Variants in IL1RAPL2 observed in about 807,000 individuals in gnomAD.
IL1RAPL2 encodes interleukin 1 receptor accessory protein like 2, also known as X-linked interleukin-1 receptor accessory protein-like 2.
Under a neutral mutation model 44.1 loss-of-function variants are expected in IL1RAPL2, and 3 were observed. The ratio of observed to expected loss-of-function variants is 0.07; its 90% confidence interval spans 0.03 to 0.18. The LOEUF is 0.18. Among genes scored for constraint, IL1RAPL2 ranks in the 10% least tolerant of loss-of-function variants. The pLI is 1.00. For missense variants in IL1RAPL2, 391 were observed against 496.4 expected, an observed-to-expected ratio of 0.79 and a Z score of 2.02; for synonymous variants, 181 against 178.8, an observed-to-expected ratio of 1.01 and a Z score of -0.10.
chrX:104,897,534 A>G (rs1923689824), intron 2 of IL1RAPL2, among the ~76,000 whole-genome samples: 1 of 112,208 alleles, frequency 8.9e-6, no homozygotes, highest in Non-Finnish European at 1.9e-5. Context: ...ATTCAAGGAG[A>G]GAGGATATGA....
At chrX:105,634,330 C>A (rs1455022140) in intron 6 of IL1RAPL2, among the ~76,000 whole-genome samples, 1 of 111,137 alleles carries the variant, frequency 9.0e-6, no homozygotes. Context: ...TCACCACAAT[C>A]CCTAAGTAAA....
intron 2 of IL1RAPL2, among the ~76,000 whole-genome samples, chrX:104,739,237 C>G (rs755746520): frequency 9.0e-6 from 1 of 111,715 alleles, no homozygotes; most frequent in African/African-American, 3.2e-5. Flanking sequence ...ATTGAAAAGC[C>G]CCAAGAAATG....
chrX:104,951,351 A>G (rs1017812887), intron 2 of IL1RAPL2, among the ~76,000 whole-genome samples: 1 of 112,522 alleles, frequency 8.9e-6, no homozygotes, highest in African/African-American at 3.2e-5. Context: ...GGAAATGAAT[A>G]GGCAAGAAAA....
At chrX:105,749,545 A>G (rs1388647809) in intron 9 of IL1RAPL2, among the ~76,000 whole-genome samples, 1 of 111,889 alleles carries the variant, frequency 8.9e-6, no homozygotes, top group African/African-American at 3.3e-5. Flanking sequence ...AAAACAAGCA[A>G]TCATGCAAGA....
intron 2 of IL1RAPL2, among the ~76,000 whole-genome samples, chrX:104,903,494 G>A (rs1296992496): frequency 9.0e-6 from 1 of 111,694 alleles, no homozygotes; most frequent in Non-Finnish European, 1.9e-5. Context: ...TGTTTGAGCT[G>A]GCTTATAACA....
rs779276962 is a variant in IL1RAPL2, at chrX:104,574,058, CATTTT to C, written c.-20+7015_-20+7019del. ...GAAAATCTATATAATTACAATTTAACATTTTATTTTATGATATGTTTATAGTCTTG... is the reference window on the plus strand; with the variant it reads ...GAAAATCTATATAATTACAATTTAACATTTTATGATATGTTTATAGTCTTG... On this transcript the variant is annotated intron_variant, in intron 1 of 10. Transcript: ENST00000372582. Among the ~76,000 whole-genome samples, 11 of 111,517 alleles carry C rather than the reference CATTTT, an allele frequency of 9.9e-5. No homozygotes were observed. In the East Asian group the frequency reaches 1.7e-3, roughly 17 times the overall value.
chrX:104,889,210 C>A (rs1246315498), intron 2 of IL1RAPL2, among the ~76,000 whole-genome samples: 2 of 111,385 alleles, frequency 1.8e-5, no homozygotes, highest in African/African-American at 6.5e-5. Context: ...TGACCATTCA[C>A]CCCTGGACTC....
chrX:105,454,706 TG>T (rs1161181951), intron 5 of IL1RAPL2, among the ~76,000 whole-genome samples: 1 of 111,718 alleles, frequency 9.0e-6, no homozygotes, highest in Non-Finnish European at 1.9e-5. Flanking sequence ...TAACCAGAGC[TG>T]CTGTACACTG....
At chrX:104,909,566 A>G (rs188152892) in intron 2 of IL1RAPL2, among the ~76,000 whole-genome samples, 1 of 111,786 alleles carries the variant, frequency 8.9e-6, no homozygotes, top group East Asian at 2.8e-4. Flanking sequence ...TCTAACAGAC[A>G]GGACCCTCAG....
chrX:105,677,876 A>C (rs905975905), intron 6 of IL1RAPL2, among the ~76,000 whole-genome samples: 2 of 112,185 alleles, frequency 1.8e-5, no homozygotes, highest in African/African-American at 6.5e-5. Context: ...ATTGCAGTGT[A>C]GTCAAATTCT....
At chrX:105,085,905 GATAAA>G (rs1237689987) in intron 2 of IL1RAPL2, among the ~76,000 whole-genome samples, 1 of 111,864 alleles carries the variant, frequency 8.9e-6, no homozygotes, top group Non-Finnish European at 1.9e-5. Flanking sequence ...TCATAAGAAA[GATAAA>G]ATATATTTAC....
chrX:104,834,652 G>GAATGC (rs1921694929), intron 2 of IL1RAPL2, among the ~76,000 whole-genome samples: 1 of 112,032 alleles, frequency 8.9e-6, no homozygotes, highest in African/African-American at 3.2e-5. Flanking sequence ...AACATATAAA[G>GAATGC]AATGCAAAGA....
chrX:105,665,342 T>TGG (rs1556377778), intron 6 of IL1RAPL2, among the ~76,000 whole-genome samples: 1 of 98,350 alleles, frequency 1.0e-5, no homozygotes. Flanking sequence ...TTTATGCGCG[T>TGG]GCGTGTGTGT....
intron 4 of IL1RAPL2, 108 bp downstream of exon 4, chrX:105,234,112 A>G: frequency 1.8e-6 from 1 of 563,700 alleles, no homozygotes; most frequent in Admixed American, 3.9e-5. Flanking sequence ...TATTTCACTG[A>G]GAAGAATCAA....
chrX:104,887,876 G>A (rs1036738021), intron 2 of IL1RAPL2, among the ~76,000 whole-genome samples: 64 of 111,746 alleles, frequency 5.7e-4, no homozygotes, highest in African/African-American at 2.1e-3. Context: ...TTGAAAATAA[G>A]CCTCTTCCCC....
chrX:104,624,609 T>G (rs1003718578), intron 1 of IL1RAPL2, among the ~76,000 whole-genome samples: 3 of 111,876 alleles, frequency 2.7e-5, no homozygotes, highest in Admixed American at 9.5e-5. Context: ...TAAGGCAATA[T>G]TTTCAAAAGG....
intron 2 of IL1RAPL2, among the ~76,000 whole-genome samples, chrX:104,712,624 A>G (rs987714264): frequency 9.0e-6 from 1 of 111,231 alleles, no homozygotes; most frequent in Non-Finnish European, 1.9e-5. Context: ...TTAACATTGT[A>G]TGGAGTAGGG....
At chrX:105,031,915 G>GT (rs2031506867) in intron 2 of IL1RAPL2, among the ~76,000 whole-genome samples, 1 of 111,625 alleles carries the variant, frequency 9.0e-6, no homozygotes, top group African/African-American at 3.3e-5. Context: ...CCTGTTATTG[G>GT]TCTCTTCAGA....
intron 6 of IL1RAPL2, among the ~76,000 whole-genome samples, chrX:105,603,588 G>C (rs2037270466): frequency 9.0e-6 from 1 of 111,326 alleles, no homozygotes; most frequent in Admixed American, 9.6e-5. Flanking sequence ...AATAATAGTT[G>C]AGGACTTCAA....
Sources: allele counts gnomAD v4.1 joint callset (sites outside exome capture counted in the v4.1 genomes callset), GRCh38; gene constraint gnomAD v4.1.1; transcripts MANE v1.5; gene names NCBI Gene and HGNC (gene_info 2026-07-23, HGNC 2026-07-21).